Variants in DLG2 observed in about 807,000 individuals in gnomAD.
DLG2 encodes the protein disks large homolog 2.
Under a neutral mutation model 132.5 loss-of-function variants are expected in DLG2, and 45 were observed. The ratio of observed to expected loss-of-function variants is 0.34; its 90% confidence interval spans 0.27 to 0.44. DLG2 has a LOEUF of 0.44. DLG2 is among the 20% of genes least tolerant of loss of function. The probability of loss-of-function intolerance (pLI) is 1.00; values close to 1 mark genes in which losing one functional copy is unlikely to be tolerated. For missense variants in DLG2, 1,045 were observed against 1,196.9 expected (o/e 0.87, Z 1.87); for synonymous variants, 424 against 419.6 (o/e 1.01, Z -0.13).
intron 7 of DLG2, among the ~76,000 whole-genome samples, chr11:84,341,478 A>G (rs989637957): frequency 5.3e-5 from 8 of 152,228 alleles, no homozygotes; most frequent in Non-Finnish European, 7.3e-5. Flanking sequence ...TTGGCTGCAC[A>G]TGAGAATCTG....
chr11:83,583,970 T>C (rs1476731504), intron 19 of DLG2, among the ~76,000 whole-genome samples: 1 of 152,210 alleles, frequency 6.6e-6, no homozygotes. Flanking sequence ...AAAAGAAATC[T>C]GTATTTTTTT....
At chr11:85,212,102 C>T (rs1353067898) in intron 4 of DLG2, among the ~76,000 whole-genome samples, 1 of 152,050 alleles carries the variant, frequency 6.6e-6, no homozygotes, top group African/African-American at 2.4e-5. Context: ...CACCTTATAT[C>T]CATATATCCC....
chr11:84,631,014 T>TCACA (rs1276421668), intron 6 of DLG2, among the ~76,000 whole-genome samples: 1 of 128,268 alleles, frequency 7.8e-6, no homozygotes, highest in African/African-American at 3.3e-5. Context: ...TCTCTCTCTC[T>TCACA]CTCTCACACA....
At chr11:83,981,309 TTAAC>T (rs1359764467) in intron 11 of DLG2, among the ~76,000 whole-genome samples, 1 of 152,142 alleles carries the variant, frequency 6.6e-6, no homozygotes, top group African/African-American at 2.4e-5. Context: ...TATTAACTGA[TTAAC>T]TAATTGTGAG....
At chr11:83,734,385 TTCCTTCCTTCCTTCC>T (rs2091563389) in intron 18 of DLG2, among the ~76,000 whole-genome samples, 1 of 136,738 alleles carries the variant, frequency 7.3e-6, no homozygotes, top group Non-Finnish European at 1.6e-5. Flanking sequence ...CCTTCCTTCC[TTCCTTCCTTCCTTCC>T]TTCCTTCCCT....
chr11:85,243,655 G>T (rs925551695), intron 4 of DLG2, among the ~76,000 whole-genome samples: 20 of 151,856 alleles, frequency 1.3e-4, no homozygotes, highest in Non-Finnish European at 2.8e-4. Context: ...AAGTCAAAGA[G>T]AAAAGAGTCA....
At chr11:85,125,008 T>G (rs539636935) in intron 5 of DLG2, among the ~76,000 whole-genome samples, 49 of 152,276 alleles carry the variant, frequency 3.2e-4, no homozygotes, top group African/African-American at 1.1e-3. Context: ...TTTTTTGTAT[T>G]TTTAGTAGAT....
At chr11:85,495,753 C>T (rs1179093183) in intron 3 of DLG2, among the ~76,000 whole-genome samples, 1 of 152,128 alleles carries the variant, frequency 6.6e-6, no homozygotes, top group Non-Finnish European at 1.5e-5. Context: ...ACCAGAAATA[C>T]CATTTGACCC....
chr11:83,915,820 T>C (rs790360), intron 15 of DLG2, among the ~76,000 whole-genome samples: 127,041 of 152,108 alleles, frequency 0.84, 53,376 homozygotes, highest in African/African-American at 0.93. Context: ...ACCATCATGA[T>C]GGTCAACTTT....
intron 7 of DLG2, among the ~76,000 whole-genome samples, chr11:84,388,681 G>A (rs543941293): frequency 6.6e-6 from 1 of 151,788 alleles, no homozygotes; most frequent in South Asian, 2.1e-4. Context: ...AACCTCAAAA[G>A]AGAGGAGCAT....
At chr11:83,523,172 AG>A (rs2095526460) in intron 21 of DLG2, among the ~76,000 whole-genome samples, 1 of 152,226 alleles carries the variant, frequency 6.6e-6, no homozygotes, top group Non-Finnish European at 1.5e-5. Flanking sequence ...GTCAGATGAA[AG>A]GAAGTCCTAT....
chr11:83,572,729 G>T (rs1275962286), intron 19 of DLG2, among the ~76,000 whole-genome samples: 2 of 152,166 alleles, frequency 1.3e-5, no homozygotes, highest in East Asian at 3.8e-4. Flanking sequence ...CTGCTGAGGT[G>T]GAGAGGCAGC....
At chr11:84,594,610 G>A (rs1396230400) in intron 6 of DLG2, among the ~76,000 whole-genome samples, 2 of 152,162 alleles carry the variant, frequency 1.3e-5, no homozygotes, top group Non-Finnish European at 2.9e-5. Flanking sequence ...ACATGAGGCT[G>A]GAAAATTAGA....
chr11:84,152,580 G>T (rs2095326845), intron 9 of DLG2, among the ~76,000 whole-genome samples: 2 of 152,012 alleles, frequency 1.3e-5, no homozygotes, highest in South Asian at 2.1e-4. Context: ...TAGAGATGGG[G>T]TTTCTCCATG....
At chr11:84,269,324 C>G (rs919249571) in intron 7 of DLG2, among the ~76,000 whole-genome samples, 1 of 152,154 alleles carries the variant, frequency 6.6e-6, no homozygotes, top group Non-Finnish European at 1.5e-5. Context: ...ATTGAATAGA[C>G]GAACACATGG....
intron 7 of DLG2, among the ~76,000 whole-genome samples, chr11:84,403,291 C>T (rs781209725): frequency 2.0e-5 from 3 of 152,118 alleles, no homozygotes; most frequent in Non-Finnish European, 4.4e-5. Flanking sequence ...TTCCAGAGCA[C>T]CAAATTCATA....
At chr11:84,737,393 G>C (rs780907723) in intron 6 of DLG2, among the ~76,000 whole-genome samples, 1 of 151,760 alleles carries the variant, frequency 6.6e-6, no homozygotes, top group Non-Finnish European at 1.5e-5. Context: ...CCTGCTCTTC[G>C]ATATTTTAGG....
chr11:84,634,363 CTTAT>C (rs1423738553), intron 6 of DLG2, among the ~76,000 whole-genome samples: 1 of 152,176 alleles, frequency 6.6e-6, no homozygotes, highest in Non-Finnish European at 1.5e-5. Flanking sequence ...AAACTGTCTA[CTTAT>C]TTAAGTTCAT....
intron 4 of DLG2, among the ~76,000 whole-genome samples, chr11:85,176,723 G>A (rs183837043): frequency 1.3e-5 from 2 of 152,046 alleles, no homozygotes; most frequent in South Asian, 2.1e-4. Context: ...TCTGACGAAG[G>A]TCTAATATCT....
Sources: gnomAD v4.1 joint callset for allele counts (sites outside exome capture counted in the v4.1 genomes callset) on GRCh38, gnomAD v4.1.1 for gene constraint, MANE v1.5 for transcripts, NCBI Gene and HGNC (gene_info 2026-07-23, HGNC 2026-07-21) for gene names.